Variants in ITSN1 observed in about 807,000 individuals in gnomAD.
ITSN1 encodes the protein intersectin 1.
Under a neutral mutation model 239.8 loss-of-function variants are expected in ITSN1, and 58 were observed. The observed-to-expected ratio is 0.24, with a 90% CI of 0.20 to 0.30. The LOEUF (loss-of-function observed/expected upper bound fraction) is 0.30, where lower values mean the gene tolerates loss of function less well. Ranked by LOEUF, ITSN1 falls within the 10% of genes least tolerant of loss-of-function variation. The pLI is 1.00. For synonymous variants in ITSN1, 780 were observed against 770.8 expected (o/e 1.01, Z -0.20); for missense variants, 1,558 against 2,103.3 (o/e 0.74, Z 5.07).
chr21:33,700,405 G>C (rs1475023012), intron 1 of ITSN1, among the ~76,000 whole-genome samples: 1 of 152,056 alleles, frequency 6.6e-6, no homozygotes, highest in Admixed American at 6.6e-5. Context: ...TAAATATGAA[G>C]ATGAAGAGGT....
chr21:33,798,929 AGTTT>A (rs1437883841), intron 18 of ITSN1, among the ~76,000 whole-genome samples: 1 of 152,142 alleles, frequency 6.6e-6, no homozygotes, highest in Non-Finnish European at 1.5e-5. Flanking sequence ...TTAGGAAGTT[AGTTT>A]AAGTTCTTCA....
chr21:33,664,200 G>C (rs1265124144), intron 1 of ITSN1, among the ~76,000 whole-genome samples: 1 of 152,174 alleles, frequency 6.6e-6, no homozygotes, highest in Non-Finnish European at 1.5e-5. Context: ...GGTCAAGTTA[G>C]AGCATCCGGT....
At chr21:33,719,982 T>C (rs1428653238) in intron 2 of ITSN1, among the ~76,000 whole-genome samples, 1 of 152,228 alleles carries the variant, frequency 6.6e-6, no homozygotes, top group Admixed American at 6.5e-5. Context: ...AGAGTAAAAG[T>C]CTCCGTGGGA....
At chr21:33,765,323 C>G (rs1272963659) in intron 9 of ITSN1, among the ~76,000 whole-genome samples, 1 of 152,122 alleles carries the variant, frequency 6.6e-6, no homozygotes, top group Non-Finnish European at 1.5e-5. Flanking sequence ...CAGTGAGACC[C>G]CCATCTCTAC....
At chr21:33,862,023 C>T (rs761333003) in intron 31 of ITSN1, among the ~76,000 whole-genome samples, 33 of 131,476 alleles carry the variant, frequency 2.5e-4, no homozygotes, top group Non-Finnish European at 4.1e-4. Context: ...AAGAGCTGTG[C>T]GTGGTGGCGC....
At chr21:33,876,318 T>G (rs1225957464) in intron 34 of ITSN1, among the ~76,000 whole-genome samples, 1 of 149,548 alleles carries the variant, frequency 6.7e-6, no homozygotes, top group Non-Finnish European at 1.5e-5. Flanking sequence ...CCTTCCTTCC[T>G]TCCTTCCTTC....
chr21:33,666,170 A>G (rs1191897572), intron 1 of ITSN1, among the ~76,000 whole-genome samples: 1 of 152,144 alleles, frequency 6.6e-6, no homozygotes. Context: ...ACCTCAAGTG[A>G]TCCACCTGCC....
rs146318076 is a variant in ITSN1 at position 33,874,650 on chromosome 21, C to CTTTTT, written c.4174-701_4174-700insTTTTT. 1.0e-4 allele frequency among the ~76,000 whole-genome samples: 14 copies of CTTTTT among 138,836 alleles called. 3 individuals are homozygous for CTTTTT. Among genetic ancestry groups the CTTTTT allele is most frequent in the African/African-American group, 1.3e-4 (5 of 37,044 alleles). 91.1% of individuals were successfully genotyped at this position (138,836 alleles called of 152,430 possible). A position where few individuals can be genotyped will look rare whatever the true frequency, so the allele number is the denominator to read the frequency against. On this transcript the variant is annotated intron_variant, in intron 33 of 39. Coordinates refer to ENST00000381318, the MANE Select transcript of ITSN1 (RefSeq NM_003024.3). ...GAAACAGGGTGAATATTTTCTTTTT[C>CTTTTT]TTTCTTTTTTTTTTTTTGAGACGGA...
At chr21:33,677,020 G>A (rs191290253) in intron 1 of ITSN1, among the ~76,000 whole-genome samples, 12 of 139,170 alleles carry the variant, frequency 8.6e-5, no homozygotes, top group African/African-American at 1.8e-4. Context: ...GTGCGGGGAG[G>A]GGGGAGGGAT....
In ITSN1 at chr21:33,894,927, A is replaced by C. The variant is rs564746083; in HGVS notation, c.*6627A>C. ...GAGGAAACTCGCTGTTTTCACTGGC[A>C]GATTTCAAGGTGCCGGCTCCACCTA... On this transcript the variant is annotated 3_prime_UTR_variant, in exon 40 of 40. Transcript: ENST00000381318. 4 of 152,350 alleles carry C rather than the reference A, an allele frequency of 2.6e-5. No individual in the cohort carries two copies. The highest frequency in any genetic ancestry group is 9.6e-5 in the African/African-American group (4 of 41,550). 9.4% of individuals were successfully genotyped at this position (152,350 alleles called of 1,614,324 possible). A position where few individuals can be genotyped will look rare whatever the true frequency, so the allele number is the denominator to read the frequency against.
intron 14 of ITSN1, among the ~76,000 whole-genome samples, chr21:33,781,087 C>T (rs2070140182): frequency 6.6e-6 from 1 of 152,176 alleles, no homozygotes; most frequent in Non-Finnish European, 1.5e-5. Flanking sequence ...ATTTAGACCA[C>T]TGAGTTAGTT....
At chr21:33,870,184 A>G (rs1328288309) in intron 33 of ITSN1, among the ~76,000 whole-genome samples, 1 of 152,222 alleles carries the variant, frequency 6.6e-6, no homozygotes, top group Non-Finnish European at 1.5e-5. Flanking sequence ...CTTAGTTTTG[A>G]AGTAAGTTTT....
chr21:33,850,879 G>T (rs1978292617), intron 29 of ITSN1, among the ~76,000 whole-genome samples: 1 of 152,144 alleles, frequency 6.6e-6, no homozygotes, highest in Non-Finnish European at 1.5e-5. Flanking sequence ...GGGGTGCATG[G>T]GCTCACCTGG....
At chr21:33,759,765 A>G (rs891024209) in intron 8 of ITSN1, among the ~76,000 whole-genome samples, 3 of 152,210 alleles carry the variant, frequency 2.0e-5, no homozygotes, top group Admixed American at 6.5e-5. Context: ...CTCACTATTA[A>G]TAGTAGCCCT....
At chr21:33,696,838 G>C (rs893577861) in intron 1 of ITSN1, among the ~76,000 whole-genome samples, 1 of 151,996 alleles carries the variant, frequency 6.6e-6, no homozygotes, top group Admixed American at 6.6e-5. Context: ...ACCACTGTTC[G>C]TGCCGATGAG....
At chr21:33,691,808 A>T (rs2091561149) in intron 1 of ITSN1, among the ~76,000 whole-genome samples, 1 of 152,206 alleles carries the variant, frequency 6.6e-6, no homozygotes, top group African/African-American at 2.4e-5. Flanking sequence ...GTCTGTTCTT[A>T]TAAGGGTACC....
At chr21:33,662,330 C>T (rs537552679) in intron 1 of ITSN1, among the ~76,000 whole-genome samples, 3 of 152,262 alleles carry the variant, frequency 2.0e-5, no homozygotes, top group South Asian at 2.1e-4. Flanking sequence ...TTTCTAGGGA[C>T]CTCTGATTTA....
Position 33,751,856 on chromosome 21 carries a change from G to A in ITSN1, c.573G>A (p.Gly191=), listed in dbSNP as rs2067578054. ...CTTCCTTTAGTAGATCTGGTCCAGG[G>A]TCACAACTAAACACTAAATTACAAA... is the stretch of plus-strand genomic sequence containing the variant. ...KSSSFSRSGP[G]SQLNTKLQKA... is the part of the protein sequence containing the mutation. Residue 191 remains glycine, a synonymous_variant, in exon 7 of 40, where the codon GGG becomes GGA. Transcript: ENST00000381318. The A allele has an allele frequency of 6.2e-7, 1 of 1,613,658 alleles. No homozygotes were observed. Among genetic ancestry groups the A allele is most frequent in the Admixed American group, 1.7e-5 (1 of 59,992 alleles).
intron 18 of ITSN1, among the ~76,000 whole-genome samples, chr21:33,798,432 A>G (rs934196539): frequency 2.0e-5 from 3 of 152,134 alleles, no homozygotes; most frequent in African/African-American, 7.2e-5. Flanking sequence ...AAAGGGATAA[A>G]TGAAAGACTG....
Sources: gnomAD v4.1 joint callset for allele counts (sites outside exome capture counted in the v4.1 genomes callset) on GRCh38, gnomAD v4.1.1 for gene constraint, MANE v1.5 for transcripts, NCBI Gene and HGNC (gene_info 2026-07-23, HGNC 2026-07-21) for gene names.